Variants in ANK3 observed in about 807,000 individuals in gnomAD.
ANK3 encodes the protein ankyrin-3.
Under a neutral mutation model 370.9 loss-of-function variants are expected in ANK3, and 57 were observed. The ratio of observed to expected loss-of-function variants is 0.15; its 90% confidence interval spans 0.12 to 0.19. The LOEUF (loss-of-function observed/expected upper bound fraction) is 0.19, where lower values mean the gene tolerates loss of function less well. ANK3 is among the 10% of genes least tolerant of loss of function. The probability of loss-of-function intolerance (pLI) is 1.00; values close to 1 mark genes in which losing one functional copy is unlikely to be tolerated. For synonymous variants in ANK3, 1,929 were observed against 1,946.3 expected (o/e 0.99, Z 0.23); for missense variants, 4,439 against 5,302.1 (o/e 0.84, Z 5.06).
At chr10:60,115,737 T>C (rs1417814307) in intron 25 of ANK3, among the ~76,000 whole-genome samples, 1 of 151,910 alleles carries the variant, frequency 6.6e-6, no homozygotes, top group Non-Finnish European at 1.5e-5. Context: ...TGGAAAAATA[T>C]ACAAAATGAA....
intron 2 of ANK3, among the ~76,000 whole-genome samples, chr10:60,452,040 CTG>C (rs1417154958): frequency 6.6e-6 from 1 of 152,218 alleles, no homozygotes; most frequent in Non-Finnish European, 1.5e-5. Flanking sequence ...ACTTCACCTT[CTG>C]GGGGGAATAA....
chr10:60,517,708 A>G (rs2076253086), intron 2 of ANK3, among the ~76,000 whole-genome samples: 1 of 152,200 alleles, frequency 6.6e-6, no homozygotes, highest in African/African-American at 2.4e-5. Flanking sequence ...TACTTTGTAA[A>G]CTGTAAAATA....
upstream of ANK3, among the ~76,000 whole-genome samples, chr10:60,392,399 G>A (rs893398347): frequency 1.2e-4 from 18 of 152,230 alleles, no homozygotes; most frequent in African/African-American, 3.1e-4. Context: ...ACAACCAATC[G>A]TCCAACTGGT....
At chr10:60,650,557 A>C (rs540306120) in intron 1 of ANK3, among the ~76,000 whole-genome samples, 1 of 152,286 alleles carries the variant, frequency 6.6e-6, no homozygotes, top group African/African-American at 2.4e-5. Flanking sequence ...CATAGTTCTA[A>C]TATGCATAAT....
At chr10:60,229,150 C>T (rs769438731) in intron 8 of ANK3, among the ~76,000 whole-genome samples, 1 of 152,096 alleles carries the variant, frequency 6.6e-6, no homozygotes, top group African/African-American at 2.4e-5. Flanking sequence ...ATTACTGGTC[C>T]TTCTTTTAAT....
intron 2 of ANK3, among the ~76,000 whole-genome samples, chr10:60,461,076 G>A (rs543544915): frequency 3.3e-5 from 5 of 152,106 alleles, no homozygotes; most frequent in Non-Finnish European, 5.9e-5. Context: ...TCAACTAAGC[G>A]TGAATCTACC....
At position 60,074,670 on chromosome 10, in the gene ANK3, C is replaced by T. The variant is rs1398494595; in HGVS notation, c.6211G>A (p.Ala2071Thr). 4.3e-6 allele frequency: 7 copies of T among 1,613,568 alleles called. No homozygotes were observed. The South Asian group carries it at 7.7e-5, about 18-fold the overall frequency. ...EERQKRVLKP[A>T]IALQEHKLKM... ...AGTTTGTGTTCCTGCAAAGCAATTG[C>T]TGGTTTTAAAACTCTTTTCTGTCTC... The change falls in exon 37 of 44, where the codon GCA becomes ACA. Residue 2071 changes from alanine (A) to threonine (T), a missense_variant. Physicochemically the swap from Ala to Thr is moderately conservative, Grantham distance 58. Coordinates refer to ENST00000280772, the MANE Select transcript of ANK3 (RefSeq NM_020987.5).
At chr10:60,087,657 G>T (rs1246161180) in intron 29 of ANK3, among the ~76,000 whole-genome samples, 2 of 152,104 alleles carry the variant, frequency 1.3e-5, no homozygotes. Context: ...AAGAAAAAAA[G>T]AACTAAAGTC....
chr10:60,283,663 G>A (rs2098199588), intron 1 of ANK3, among the ~76,000 whole-genome samples: 1 of 152,022 alleles, frequency 6.6e-6, no homozygotes, highest in Non-Finnish European at 1.5e-5. Context: ...GTTTTTCAAG[G>A]AAATAGCTTC....
rs569228155 is a variant in ANK3 at position 60,098,148 on chromosome 10, C to CA, written c.3328+7756dup. ...GCAGTTTCCTCTGGGATGGATATGA[C>CA]AAAAAAAAATGACAGAAAACCACCC... On this transcript the variant is annotated intron_variant, in intron 28 of 43. Coordinates refer to ENST00000280772, the MANE Select transcript of ANK3 (RefSeq NM_020987.5). Among the ~76,000 whole-genome samples, 282 of 149,376 alleles carry CA rather than the reference C, an allele frequency of 1.9e-3. 1 individual carries two copies. Among genetic ancestry groups the CA allele is most frequent in the South Asian group, 7.9e-3 (37 of 4,710 alleles).
chr10:60,068,360 GA>G (rs1035206428), intron 37 of ANK3, among the ~76,000 whole-genome samples: 4 of 152,018 alleles, frequency 2.6e-5, no homozygotes, highest in Admixed American at 2.0e-4. Flanking sequence ...CATTAAAAAA[GA>G]AAAAAGAAGG....
chr10:60,331,322 T>A (rs2051238488), intron 1 of ANK3, among the ~76,000 whole-genome samples: 1 of 152,098 alleles, frequency 6.6e-6, no homozygotes, highest in African/African-American at 2.4e-5. Flanking sequence ...GCCTAGGCTG[T>A]AATGCTAAGT....
At chr10:60,321,399 G>GAAGAAAAGAAAAGAA (rs71015788) in intron 1 of ANK3, among the ~76,000 whole-genome samples, 11 of 145,556 alleles carry the variant, frequency 7.6e-5, no homozygotes, top group South Asian at 4.3e-4. Context: ...AAAGAGAAGA[G>GAAGAAAAGAAAAGAA]AAGAAAAGAA....
At chr10:60,094,486 G>A (rs774769843) in intron 28 of ANK3, among the ~76,000 whole-genome samples, 21 of 151,964 alleles carry the variant, frequency 1.4e-4, no homozygotes, top group Admixed American at 9.2e-4. Flanking sequence ...TGAAAACCAC[G>A]CCCAGCCTCT....
chr10:60,236,642 G>A (rs1282500075), intron 7 of ANK3, among the ~76,000 whole-genome samples: 1 of 152,086 alleles, frequency 6.6e-6, no homozygotes, highest in Non-Finnish European at 1.5e-5. Flanking sequence ...TTAGGGTTAG[G>A]TTTACAACCT....
At chr10:60,463,793 A>G (rs935703744) in intron 2 of ANK3, among the ~76,000 whole-genome samples, 3 of 151,908 alleles carry the variant, frequency 2.0e-5, no homozygotes, top group Non-Finnish European at 4.4e-5. Flanking sequence ...AATTTCATGA[A>G]CAAATATAAT....
At chr10:60,384,965 A>G (rs546552744) in intron 1 of ANK3, among the ~76,000 whole-genome samples, 1 of 152,028 alleles carries the variant, frequency 6.6e-6, no homozygotes. Flanking sequence ...CACACTCAGC[A>G]TTTCGTGCCT....
At chr10:60,655,742 C>T (rs2078854927) in intron 1 of ANK3, among the ~76,000 whole-genome samples, 1 of 152,156 alleles carries the variant, frequency 6.6e-6, no homozygotes, top group African/African-American at 2.4e-5. Context: ...CATTCACTCA[C>T]CATTCACCCA....
intron 16 of ANK3, among the ~76,000 whole-genome samples, chr10:60,191,030 A>C (rs1452039645): frequency 6.6e-6 from 1 of 152,234 alleles, no homozygotes; most frequent in Non-Finnish European, 1.5e-5. Flanking sequence ...TTTGATAGCC[A>C]GATGAAGGAG....
Sources: allele counts gnomAD v4.1 joint callset (sites outside exome capture counted in the v4.1 genomes callset), GRCh38; gene constraint gnomAD v4.1.1; transcripts MANE v1.5; gene names NCBI Gene and HGNC (gene_info 2026-07-23, HGNC 2026-07-21).